The following PDPK1 variants were observed in gnomAD, a reference collection of about 807,000 sequenced individuals.
The protein encoded by PDPK1 is 3-phosphoinositide-dependent protein kinase 1.
In PDPK1, 7 loss-of-function variants were observed where a neutral mutation model predicts 39.8. That is an observed-to-expected ratio of 0.18 (90% CI 0.10 to 0.33). The LOEUF (loss-of-function observed/expected upper bound fraction) is 0.33. PDPK1 is among the 10% of genes least tolerant of loss of function. The probability of loss-of-function intolerance (pLI) is 1.00; values close to 1 mark genes in which losing one functional copy is unlikely to be tolerated. For missense variants in PDPK1, 182 were observed against 384.7 expected (o/e 0.47, Z 4.41); for synonymous variants, 118 against 159.1 (o/e 0.74, Z 1.95).
intron 1 of PDPK1, chr16:2,539,078 C>CTTTTTTTTTT (rs57517702): frequency 7.0e-6 from 1 of 143,628 alleles, no homozygotes; most frequent in African/African-American, 3.3e-5. Flanking sequence ...CAGGATGCGG[C>CTTTTTTTTTT]TTTTTTTTTT....
At chr16:2,592,861 T>C in intron 11 of PDPK1, 1 of 456,540 alleles carries the variant, frequency 2.2e-6, no homozygotes, top group Non-Finnish European at 4.4e-6. Context: ...TCATTGTCTC[T>C]CTCAGGGGAT....
intron 1 of PDPK1, among the ~76,000 whole-genome samples, chr16:2,544,197 T>C (rs2066293015): frequency 6.6e-6 from 1 of 152,222 alleles, no homozygotes; most frequent in Admixed American, 6.5e-5. Context: ...GTATGTACTC[T>C]CCTGATAGGT....
chr16:2,595,457 T>C (rs374936132), intron 11 of PDPK1, among the ~76,000 whole-genome samples: 1 of 152,146 alleles, frequency 6.6e-6, no homozygotes, highest in East Asian at 1.9e-4. Context: ...ACCACAGCTT[T>C]GTTAAGGCAG....
intron 1 of PDPK1, among the ~76,000 whole-genome samples, chr16:2,546,656 G>C (rs1458073843): frequency 6.6e-6 from 1 of 152,152 alleles, no homozygotes; most frequent in Non-Finnish European, 1.5e-5. Flanking sequence ...CTAACCTTAA[G>C]CTGCTTTTCC....
chr16:2,541,081 G>C (rs1461455627), intron 1 of PDPK1, among the ~76,000 whole-genome samples: 2 of 152,180 alleles, frequency 1.3e-5, no homozygotes, highest in Non-Finnish European at 2.9e-5. Context: ...GTCTAGAGCT[G>C]GCAAGGTGAG....
At chr16:2,541,584 C>T (rs944741097) in intron 1 of PDPK1, among the ~76,000 whole-genome samples, 1 of 152,116 alleles carries the variant, frequency 6.6e-6, no homozygotes, top group African/African-American at 2.4e-5. Context: ...CAAGCAGGTG[C>T]GAGGGCCAGG....
intron 11 of PDPK1, among the ~76,000 whole-genome samples, chr16:2,591,334 C>T (rs1272467146): frequency 6.6e-6 from 1 of 152,220 alleles, no homozygotes; most frequent in Non-Finnish European, 1.5e-5. Context: ...TTACATCATT[C>T]AGCCCCCATG....
In PDPK1 at chr16:2,558,422, T is replaced by TA. The variant is rs1280431689; in HGVS notation, c.285+463dup. Among the ~76,000 whole-genome samples the TA allele has an allele frequency of 3.3e-5, 5 of 150,506 alleles. No homozygotes were observed. The East Asian group carries it at 7.7e-4, about 23-fold the overall frequency. On this transcript the variant is annotated intron_variant, in intron 2 of 13. Coordinates refer to ENST00000342085, the MANE Select transcript of PDPK1 (RefSeq NM_002613.5). The stretch of plus-strand genomic sequence containing the variant: ...TCTCTGTTTTGTTTTTTTGAATACA[T>TA]AAAACAGTACGCTCTGGACATTTGC...
At chr16:2,591,048 C>T (rs1383368471) in intron 11 of PDPK1, among the ~76,000 whole-genome samples, 3 of 151,696 alleles carry the variant, frequency 2.0e-5, no homozygotes, top group East Asian at 1.9e-4. Flanking sequence ...CTGCAACCTC[C>T]GCCTCCCAGG....
chr16:2,553,170 T>TAAAAA (rs1162812696), intron 1 of PDPK1, among the ~76,000 whole-genome samples: 5 of 130,806 alleles, frequency 3.8e-5, no homozygotes, highest in African/African-American at 1.6e-4. Context: ...CTTTTTTTTT[T>TAAAAA]AAAAAAAAAA....
chr16:2,553,149 C>T (rs1280331780), intron 1 of PDPK1, among the ~76,000 whole-genome samples: 2 of 138,898 alleles, frequency 1.4e-5, no homozygotes, highest in South Asian at 2.2e-4. Flanking sequence ...GTGGACTTCT[C>T]TTGTGAGGAG....
At chr16:2,543,883 G>A (rs1284407310) in intron 1 of PDPK1, among the ~76,000 whole-genome samples, 3 of 124,038 alleles carry the variant, frequency 2.4e-5, no homozygotes, top group Admixed American at 1.0e-4. Flanking sequence ...CACCGCACCC[G>A]GCTAATTTTT....
intron 1 of PDPK1, 121 bp downstream of exon 1, chr16:2,538,257 AGCCGGGCG>A (rs1017247095): frequency 1.3e-5 from 5 of 398,952 alleles, no homozygotes; most frequent in African/African-American, 9.2e-5. Context: ...CCTTACCTGC[AGCCGGGCG>A]GCCGGGCCGG....
intron 1 of PDPK1, chr16:2,539,140 T>C (rs906339646): frequency 1.6e-5 from 3 of 191,506 alleles, no homozygotes; most frequent in African/African-American, 7.5e-5. Flanking sequence ...AGTGCAGTGA[T>C]GCGATCTCAG....
intron 2 of PDPK1, among the ~76,000 whole-genome samples, chr16:2,558,376 A>G (rs1471653265): frequency 6.7e-6 from 1 of 149,558 alleles, no homozygotes; most frequent in Non-Finnish European, 1.5e-5. Context: ...TTTTGGGGAC[A>G]TTTATTGACC....
intron 1 of PDPK1, chr16:2,539,650 A>G (rs987885062): frequency 6.6e-6 from 1 of 152,198 alleles, no homozygotes; most frequent in South Asian, 2.1e-4. Context: ...GTGGCTGTAC[A>G]CCAGAGTGGC....
intron 1 of PDPK1, among the ~76,000 whole-genome samples, chr16:2,540,278 C>T (rs2066220357): frequency 6.6e-6 from 1 of 152,338 alleles, no homozygotes; most frequent in South Asian, 2.1e-4. Flanking sequence ...TGAAGGCAGA[C>T]AGTGGCCTGG....
chr16:2,563,026 C>CA (rs2066637951), intron 4 of PDPK1: 1 of 151,900 alleles, frequency 6.6e-6, no homozygotes, highest in Non-Finnish European at 1.5e-5. Flanking sequence ...TAGTGCACAG[C>CA]GGTGTCTGCT....
chr16:2,592,705 A>T, intron 11 of PDPK1: 1 of 427,550 alleles, frequency 2.3e-6, no homozygotes, highest in Non-Finnish European at 4.6e-6. Context: ...TGATTCCTGG[A>T]AGTGCTCACA....
Sources: gnomAD v4.1 joint callset for allele counts (sites outside exome capture counted in the v4.1 genomes callset) on GRCh38, gnomAD v4.1.1 for gene constraint, MANE v1.5 for transcripts, NCBI Gene and HGNC (gene_info 2026-07-23, HGNC 2026-07-21) for gene names.